Variants in BCS1L observed in about 807,000 individuals in gnomAD.
The protein encoded by BCS1L is BCS1 ubiquinol-cytochrome c reductase complex chaperone.
Under a neutral mutation model 49.3 loss-of-function variants are expected in BCS1L, and 38 were observed. That is an observed-to-expected ratio of 0.77 (90% confidence interval 0.59 to 1.01). The LOEUF is 1.01. Ranked by LOEUF, BCS1L falls within the 50% of genes least tolerant of loss-of-function variation. The probability of loss-of-function intolerance (pLI) is 0.00; values close to 1 mark genes in which losing one functional copy is unlikely to be tolerated. For missense variants in BCS1L, 394 were observed against 540.2 expected, an observed-to-expected ratio of 0.73 and a Z score of 2.68; for synonymous variants, 193 against 210.1, an observed-to-expected ratio of 0.92 and a Z score of 0.70.
rs531995547 is a variant in BCS1L, at chr2:218,662,475, T to C, written c.720-35T>C. The stretch of plus-strand genomic sequence containing the variant: ...CTGGGCCTGAGGAAGCATTTCCAGG[T>C]TGCCTGCTACCTCCTGCCATCCCAT... On this transcript the variant is annotated intron_variant, in intron 5 of 7. Transcript: ENST00000359273. The surrounding 1 kb of genome is among the most constrained non-coding windows in gnomAD (Gnocchi z 5.8). 2.5e-6 allele frequency: 4 copies of C among 1,612,852 alleles called. No homozygotes were observed. The East Asian group carries it at 8.9e-5, about 36-fold the overall frequency.
Position 218,662,426 on chromosome 2 carries a change from G to A in BCS1L, c.720-84G>A. On this transcript the variant is annotated intron_variant, in intron 5 of 7. Transcript: ENST00000359273. This position sits in a 1 kb window ranked among gnomAD's most constrained non-coding sequence, Gnocchi z 5.8. ...TAGAAGTCAGGCCTCTGAGACACAT[G>A]TCCCCAGGCGGTGAGGAGAGTAGCT... The A allele has an allele frequency of 6.4e-7, 1 of 1,571,632 alleles. No individual in the cohort carries two copies. Among genetic ancestry groups the A allele is most frequent in the South Asian group, 1.1e-5 (1 of 90,090 alleles).
rs917427682 is a variant in BCS1L, at chr2:218,662,794, A to C, written c.890-89A>C. The C allele has an allele frequency of 1.2e-5, 19 of 1,585,340 alleles. No individual in the cohort carries two copies. Among genetic ancestry groups the C allele is most frequent in the Non-Finnish European group, 1.6e-5 (19 of 1,154,508 alleles). ...GGTTAGTGACAAGAGCCCACAAGAC[A>C]CATGGATAAGTAGGGGAACATAGTG... On this transcript the variant is annotated intron_variant, in intron 6 of 7. Transcript: ENST00000359273. The surrounding 1 kb of genome is among the most constrained non-coding windows in gnomAD (Gnocchi z 5.8).
At chr2:218,660,669 A>G (rs1939267238) in intron 1 of BCS1L, 4 of 322,584 alleles carry the variant, frequency 1.2e-5, no homozygotes, top group Non-Finnish European at 1.2e-5. Context: ...CTGTCCATCC[A>G]TTACCCTGAT....
In BCS1L at chr2:218,662,950, G is replaced by C. The variant is rs758434684; in HGVS notation, c.957G>C (p.Val319=). The C allele has an allele frequency of 6.2e-7, 1 of 1,614,154 alleles. No homozygotes were observed. The highest frequency in any genetic ancestry group is 8.5e-7 in the Non-Finnish European group (1 of 1,180,020). The change falls in exon 7 of 8, where the codon GTG becomes GTC. Residue 319 remains valine, a synonymous_variant. Transcript: ENST00000359273. The surrounding 1 kb of genome is among the most constrained non-coding windows in gnomAD (Gnocchi z 5.8). ...GACTGCTCAATGCCTTGGATGGTGTGGCTTCCACCGAGGCCCGCATCGTGT... is the reference window on the plus strand; with the variant it reads ...GACTGCTCAATGCCTTGGATGGTGTCGCTTCCACCGAGGCCCGCATCGTGT... ...FSGLLNALDG[V]ASTEARIVFM...
chr2:218,661,390 G>T lies in BCS1L; in HGVS notation c.321-16G>T, dbSNP rs1473525651. 6.2e-7 allele frequency: 1 copy of T among 1,614,092 alleles called. No homozygotes were observed. The highest frequency in any genetic ancestry group is 1.7e-5 in the Admixed American group (1 of 60,012). On this transcript the variant is annotated splice_polypyrimidine_tract_variant and intron_variant, in intron 2 of 7. Coordinates refer to ENST00000359273, the MANE Select transcript of BCS1L (RefSeq NM_001079866.2). The surrounding 1 kb of genome is among the most constrained non-coding windows in gnomAD (Gnocchi z 5.9). Reference sequence around the variant, plus strand: ...TTGACCCATTCACTCACTCAGTTTTGATCGTTCTTATTCAGGTATCGGGGG... The same window carrying T: ...TTGACCCATTCACTCACTCAGTTTTTATCGTTCTTATTCAGGTATCGGGGG...
Position 218,662,898 on chromosome 2 carries a change from A to T in BCS1L, c.905A>T (p.Gln302Leu). ...DLAVENPVKY[Q>L]GLGRLTFSGL... ...CTTCCTCCAGACCCAGTAAAGTACC[A>T]AGGCCTAGGTCGCCTCACCTTCAGT... The change falls in exon 7 of 8, where the codon CAA (glutamine) becomes CTA (leucine). Residue 302 changes from glutamine to leucine, a missense_variant. Gln to Leu is a moderately radical substitution (Grantham distance 113, BLOSUM62 -2). Coordinates refer to ENST00000359273, the MANE Select transcript of BCS1L (RefSeq NM_001079866.2). This position sits in a 1 kb window ranked among gnomAD's most constrained non-coding sequence, Gnocchi z 5.8. 6.2e-7 allele frequency: 1 copy of T among 1,614,098 alleles called. No individual in the cohort carries two copies. The highest frequency in any genetic ancestry group is 8.5e-7 in the Non-Finnish European group (1 of 1,180,002).
rs1939478434 is a variant in BCS1L at position 218,661,772 on chromosome 2, C to T, written c.474C>T (p.Ala158=). 6.2e-7 allele frequency: 1 copy of T among 1,609,526 alleles called. No individual in the cohort carries two copies. The highest frequency in any genetic ancestry group is 2.2e-5 in the East Asian group (1 of 44,778). Residue 158 remains alanine, a synonymous_variant, in exon 4 of 8, where the codon GCC becomes GCT. Transcript: ENST00000359273. The surrounding 1 kb of genome is among the most constrained non-coding windows in gnomAD (Gnocchi z 5.9). ...FNILEEAREL[A]LQQEEGKTVM... is the part of the protein sequence containing the mutation. ...TCTCCTTCCCAGCTCGAGAGCTAGCCTTGCAGCAGGAGGAAGGGAAGACCG... is the reference window on the plus strand; with the variant it reads ...TCTCCTTCCCAGCTCGAGAGCTAGCTTTGCAGCAGGAGGAAGGGAAGACCG...
In BCS1L at chr2:218,662,806, A is replaced by G; in HGVS notation, c.890-77A>G. 1 of 1,578,738 alleles carries G rather than the reference A, an allele frequency of 6.3e-7. No homozygotes were observed. The highest frequency in any genetic ancestry group is 1.1e-5 in the South Asian group (1 of 90,124). ...GAGCCCACAAGACACATGGATAAGT[A>G]GGGGAACATAGTGGGGCATGCTAAT... is the stretch of plus-strand genomic sequence containing the variant. On this transcript the variant is annotated intron_variant, in intron 6 of 7. Coordinates refer to ENST00000359273, the MANE Select transcript of BCS1L (RefSeq NM_001079866.2). This position sits in a 1 kb window ranked among gnomAD's most constrained non-coding sequence, Gnocchi z 5.8.
rs1171596037 is a variant in BCS1L at position 218,662,789 on chromosome 2, A to C, written c.890-94A>C. The C allele has an allele frequency of 6.3e-7, 1 of 1,587,032 alleles. No individual in the cohort carries two copies. The highest frequency in any genetic ancestry group is 2.2e-5 in the East Asian group (1 of 44,718). Reference sequence around the variant, plus strand: ...GCCTGGGTTAGTGACAAGAGCCCACAAGACACATGGATAAGTAGGGGAACA... The same window carrying C: ...GCCTGGGTTAGTGACAAGAGCCCACCAGACACATGGATAAGTAGGGGAACA... On this transcript the variant is annotated intron_variant, in intron 6 of 7. Coordinates refer to ENST00000359273, the MANE Select transcript of BCS1L (RefSeq NM_001079866.2). This position sits in a 1 kb window ranked among gnomAD's most constrained non-coding sequence, Gnocchi z 5.8.
intron 1 of BCS1L, chr2:218,660,584 C>T (rs1939251360): frequency 4.5e-6 from 1 of 221,108 alleles, no homozygotes; most frequent in East Asian, 1.0e-4. Context: ...GACAAGTCAA[C>T]GGACGCTTCT....
Position 218,659,844 on chromosome 2 carries a change from G to C in BCS1L, c.-50+101G>C, listed in dbSNP as rs1939135692. The stretch of plus-strand genomic sequence containing the variant: ...AGGGGGTTCCTGGGTGTCGCGGAGG[G>C]GCCGGGGACGGGAGAGCTTTGTCTG... On this transcript the variant is annotated intron_variant, in intron 1 of 7. Transcript: ENST00000359273. The surrounding 1 kb of genome is among the most constrained non-coding windows in gnomAD (Gnocchi z 4.4). 6.6e-6 allele frequency: 1 copy of C among 152,508 alleles called. No individual in the cohort carries two copies. The highest frequency in any genetic ancestry group is 2.4e-5 in the African/African-American group (1 of 41,450). The allele number at this position is 152,508 out of a possible 1,614,324, so 9.4% of individuals were successfully genotyped here.
rs1312139826 is a variant in BCS1L at position 218,662,067 on chromosome 2, G to A, written c.655+114G>A. 26 of 1,491,828 alleles carry A rather than the reference G, an allele frequency of 1.7e-5. No homozygotes were observed. The highest frequency in any genetic ancestry group is 2.1e-5 in the Non-Finnish European group (22 of 1,070,688). 92.4% of individuals were successfully genotyped at this position (1,491,828 alleles called of 1,614,324 possible). On this transcript the variant is annotated intron_variant, in intron 4 of 7. Coordinates refer to ENST00000359273, the MANE Select transcript of BCS1L (RefSeq NM_001079866.2). This position sits in a 1 kb window ranked among gnomAD's most constrained non-coding sequence, Gnocchi z 5.8. ...CTCTAGTCCAATTCCCAGAGATTAA[G>A]AGGAATGAAAAGTTGTGTATGAGAA...
chr2:218,661,736 T>G lies in BCS1L; in HGVS notation c.461-23T>G, dbSNP rs915709226. 1 of 1,606,962 alleles carries G rather than the reference T, an allele frequency of 6.2e-7. No homozygotes were observed. Among genetic ancestry groups the G allele is most frequent in the African/African-American group, 1.3e-5 (1 of 74,694 alleles). ...GCCATGGTGAAGAGAATTATTGGCT[T>G]TATCTCATCTTCTCCTTCCCAGCTC... On this transcript the variant is annotated intron_variant, in intron 3 of 7. Coordinates refer to ENST00000359273, the MANE Select transcript of BCS1L (RefSeq NM_001079866.2). This position sits in a 1 kb window ranked among gnomAD's most constrained non-coding sequence, Gnocchi z 5.9.
rs1378191814 is a variant in BCS1L, at chr2:218,659,863, TTGTC to T, written c.-50+124_-50+127del. The T allele has an allele frequency of 6.6e-6, 1 of 152,230 alleles. No individual in the cohort carries two copies. 9.4% of individuals were successfully genotyped at this position (152,230 alleles called of 1,614,324 possible). A position where few individuals can be genotyped will look rare whatever the true frequency, so the allele number is the denominator to read the frequency against. ...CGGAGGGGCCGGGGACGGGAGAGCT[TTGTC>T]TGTGGCCTTCCATGCATAGGTGTTT... is the stretch of plus-strand genomic sequence containing the variant. On this transcript the variant is annotated intron_variant, in intron 1 of 7. Coordinates refer to ENST00000359273, the MANE Select transcript of BCS1L (RefSeq NM_001079866.2). This position sits in a 1 kb window ranked among gnomAD's most constrained non-coding sequence, Gnocchi z 4.4.
In BCS1L at chr2:218,661,781, G is replaced by A. The variant is rs1422315617; in HGVS notation, c.483G>A (p.Gln161=). 1.2e-6 allele frequency: 2 copies of A among 1,609,892 alleles called. No homozygotes were observed. Among genetic ancestry groups the A allele is most frequent in the South Asian group, 1.1e-5 (1 of 91,026 alleles). ...LEEARELALQ[Q]EEGKTVMYTA... ...CAGCTCGAGAGCTAGCCTTGCAGCA[G>A]GAGGAAGGGAAGACCGTGATGTACA... Residue 161 remains glutamine (Q), a synonymous_variant, in exon 4 of 8, where the codon CAG becomes CAA. Transcript: ENST00000359273. This position sits in a 1 kb window ranked among gnomAD's most constrained non-coding sequence, Gnocchi z 5.9.
In BCS1L at chr2:218,662,189, A is replaced by G; in HGVS notation, c.656-8A>G. 6.2e-7 allele frequency: 1 copy of G among 1,613,738 alleles called. No individual in the cohort carries two copies. The highest frequency in any genetic ancestry group is 8.5e-7 in the Non-Finnish European group (1 of 1,179,658). ...CAAAAGACATGATCATCCTGGCTCT[A>G]TCCCTAGGCATTCCTTACAGACGTG... is the stretch of plus-strand genomic sequence containing the variant. On this transcript the variant is annotated splice_region_variant and splice_polypyrimidine_tract_variant and intron_variant, in intron 4 of 7. Coordinates refer to ENST00000359273, the MANE Select transcript of BCS1L (RefSeq NM_001079866.2). This position sits in a 1 kb window ranked among gnomAD's most constrained non-coding sequence, Gnocchi z 5.8.
intron 1 of BCS1L, 96 bp from the exon 2 acceptor site, chr2:218,660,843 A>C: frequency 3.6e-6 from 3 of 831,466 alleles, no homozygotes; most frequent in Non-Finnish European, 5.8e-6. Context: ...AAAGGAGGGT[A>C]TTGACCCACA....
In BCS1L at chr2:218,659,754, T is replaced by A. The variant is rs1032087005; in HGVS notation, c.-50+11T>A. On this transcript the variant is annotated intron_variant, in intron 1 of 7. Coordinates refer to ENST00000359273, the MANE Select transcript of BCS1L (RefSeq NM_001079866.2). This position sits in a 1 kb window ranked among gnomAD's most constrained non-coding sequence, Gnocchi z 4.4. ...CAGAGAGTCACGGCGGTGAGAGGGC[T>A]GAGTGACGGGTTACCCCAAACCATG... The A allele has an allele frequency of 6.6e-6, 1 of 151,802 alleles. No individual in the cohort carries two copies. Among genetic ancestry groups the A allele is most frequent in the Non-Finnish European group, 1.5e-5 (1 of 68,000 alleles). 9.4% of individuals were successfully genotyped at this position (151,802 alleles called of 1,614,324 possible).
chr2:218,662,974 G>T lies in BCS1L; in HGVS notation c.981G>T (p.Val327=). 6.2e-7 allele frequency: 1 copy of T among 1,613,990 alleles called. No homozygotes were observed. The highest frequency in any genetic ancestry group is 2.2e-5 in the East Asian group (1 of 44,866). The change falls in exon 7 of 8, where the codon GTG becomes GTT. Residue 327 remains valine (V), a synonymous_variant. Transcript: ENST00000359273. The surrounding 1 kb of genome is among the most constrained non-coding windows in gnomAD (Gnocchi z 5.8). ...DGVASTEARI[V]FMTTNHVDRL... ...TGGCTTCCACCGAGGCCCGCATCGT[G>T]TTCATGACCACCAACCACGTTGACA... is the stretch of plus-strand genomic sequence containing the variant.
Sources: allele counts gnomAD v4.1 joint callset, GRCh38; gene constraint gnomAD v4.1.1; non-coding constraint Gnocchi (gnomAD v3.1); transcripts MANE v1.5; gene names NCBI Gene and HGNC (gene_info 2026-07-23, HGNC 2026-07-21).